Variants in SNTG1 observed in about 807,000 individuals in gnomAD.
SNTG1 encodes syntrophin gamma 1.
In SNTG1, 39 loss-of-function variants were observed where a neutral mutation model predicts 74.7. The ratio of observed to expected loss-of-function variants is 0.52; its 90% CI spans 0.40 to 0.68. The LOEUF (loss-of-function observed/expected upper bound fraction) is 0.68. Among genes scored for constraint, SNTG1 ranks in the 30% least tolerant of loss-of-function variants. SNTG1 has a pLI of 0.00. For missense variants in SNTG1, 685 were observed against 609.5 expected (o/e 1.12, Z -1.30); for synonymous variants, 254 against 217.1 (o/e 1.17, Z -1.49).
intron 2 of SNTG1, among the ~76,000 whole-genome samples, chr8:50,342,587 C>G (rs1254844999): frequency 1.3e-5 from 2 of 152,122 alleles, no homozygotes; most frequent in Admixed American, 1.3e-4. Flanking sequence ...ATTGTGTTAA[C>G]CTGCCAATGA....
intron 2 of SNTG1, among the ~76,000 whole-genome samples, chr8:50,183,991 G>A (rs2131732614): frequency 6.6e-6 from 1 of 152,168 alleles, no homozygotes; most frequent in African/African-American, 2.4e-5. Flanking sequence ...AAATGTATAT[G>A]CTCCCATCTT....
chr8:50,543,561 G>T (rs907929599), intron 11 of SNTG1, among the ~76,000 whole-genome samples: 5 of 151,908 alleles, frequency 3.3e-5, no homozygotes, highest in Non-Finnish European at 7.4e-5. Context: ...GATATCCTAT[G>T]GTATAGATGT....
At chr8:49,969,081 G>C (rs527910117) in intron 1 of SNTG1, among the ~76,000 whole-genome samples, 1 of 152,290 alleles carries the variant, frequency 6.6e-6, no homozygotes, top group African/African-American at 2.4e-5. Context: ...CAGAATGATA[G>C]ACAGATTAGG....
At chr8:50,720,953 T>C (rs1185066943) in intron 17 of SNTG1, among the ~76,000 whole-genome samples, 2 of 152,232 alleles carry the variant, frequency 1.3e-5, no homozygotes, top group East Asian at 1.9e-4. Context: ...TATGTGAAAG[T>C]TGCTTCAGTT....
intron 10 of SNTG1, among the ~76,000 whole-genome samples, chr8:50,534,354 C>T (rs2094292390): frequency 6.6e-6 from 1 of 152,080 alleles, no homozygotes; most frequent in African/African-American, 2.4e-5. Flanking sequence ...CTGGGTGGGT[C>T]CTGGGCCACT....
chr8:50,082,407 T>G (rs1822493412), intron 1 of SNTG1, among the ~76,000 whole-genome samples: 1 of 152,206 alleles, frequency 6.6e-6, no homozygotes, highest in African/African-American at 2.4e-5. Context: ...TATGTTTTTG[T>G]TGTCTTGTTT....
At chr8:50,014,068 A>G (rs1216267171) in intron 1 of SNTG1, among the ~76,000 whole-genome samples, 1 of 152,176 alleles carries the variant, frequency 6.6e-6, no homozygotes, top group Non-Finnish European at 1.5e-5. Flanking sequence ...CTACAGTATG[A>G]CAGCAGGCCC....
chr8:50,138,074 A>G (rs2081533674), intron 1 of SNTG1, among the ~76,000 whole-genome samples: 1 of 152,090 alleles, frequency 6.6e-6, no homozygotes, highest in Non-Finnish European at 1.5e-5. Context: ...AAACCTATCT[A>G]GTGGAGGAAT....
chr8:50,304,740 CTCTG>C (rs1381547427), intron 2 of SNTG1, among the ~76,000 whole-genome samples: 1 of 152,136 alleles, frequency 6.6e-6, no homozygotes, highest in Non-Finnish European at 1.5e-5. Context: ...TCATACTATA[CTCTG>C]TCTAATATAG....
chr8:50,554,477 C>CTTTT (rs11435822), intron 12 of SNTG1, among the ~76,000 whole-genome samples: 2 of 141,196 alleles, frequency 1.4e-5, no homozygotes, highest in Non-Finnish European at 3.1e-5. Flanking sequence ...ACAGATTTTC[C>CTTTT]TTTTTTTTTT....
At chr8:50,247,578 T>G (rs759189318) in intron 2 of SNTG1, among the ~76,000 whole-genome samples, 28 of 152,196 alleles carry the variant, frequency 1.8e-4, no homozygotes, top group Non-Finnish European at 3.1e-4. Context: ...TGATCATAGT[T>G]TAATGTAACC....
chr8:50,176,552 G>T (rs2083006223), intron 2 of SNTG1, among the ~76,000 whole-genome samples: 1 of 152,090 alleles, frequency 6.6e-6, no homozygotes, highest in Non-Finnish European at 1.5e-5. Context: ...TCCTCAGCTA[G>T]GGCACTAATA....
At chr8:50,082,551 CTTAAGAGTGGGT>C (rs1563566546) in intron 1 of SNTG1, among the ~76,000 whole-genome samples, 2 of 152,138 alleles carry the variant, frequency 1.3e-5, no homozygotes, top group Non-Finnish European at 2.9e-5. Flanking sequence ...AACTGGTCAT[CTTAAGAGTGGGT>C]TCATCTTAAG....
intron 2 of SNTG1, among the ~76,000 whole-genome samples, chr8:50,301,855 GT>G (rs2089663512): frequency 9.4e-6 from 1 of 106,326 alleles, no homozygotes; most frequent in Admixed American, 1.1e-4. Context: ...TTCTGTTTTT[GT>G]TTTTTGTTTT....
chr8:50,349,051 T>A (rs1311897858), intron 2 of SNTG1, among the ~76,000 whole-genome samples: 2 of 152,236 alleles, frequency 1.3e-5, no homozygotes, highest in East Asian at 3.8e-4. Context: ...ATATGAAGAA[T>A]CCCCAACATT....
intron 17 of SNTG1, among the ~76,000 whole-genome samples, chr8:50,747,131 GCTCCAGATTAACACCCC>G (rs1433107803): frequency 6.6e-6 from 1 of 151,290 alleles, no homozygotes; most frequent in African/African-American, 2.4e-5. Context: ...AAAACTATTA[GCTCCAGATTAACACCCC>G]CTCAGGTATT....
intron 4 of SNTG1, among the ~76,000 whole-genome samples, chr8:50,423,624 C>T (rs963349325): frequency 6.6e-5 from 10 of 152,140 alleles, no homozygotes; most frequent in Admixed American, 6.6e-4. Flanking sequence ...GATATATTCA[C>T]AAAGGCAGTA....
At chr8:50,540,842 C>G (rs1563546200) in intron 11 of SNTG1, among the ~76,000 whole-genome samples, 2 of 151,844 alleles carry the variant, frequency 1.3e-5, no homozygotes, top group Non-Finnish European at 2.9e-5. Flanking sequence ...ATTCTTCTAT[C>G]CTATTCTTTA....
At chr8:50,213,823 A>T (rs1292438819) in intron 2 of SNTG1, among the ~76,000 whole-genome samples, 1 of 151,302 alleles carries the variant, frequency 6.6e-6, no homozygotes, top group African/African-American at 2.4e-5. Flanking sequence ...TAGATTCTGG[A>T]TATTAGCCCT....
Sources: gnomAD v4.1 joint callset for allele counts (sites outside exome capture counted in the v4.1 genomes callset) on GRCh38, gnomAD v4.1.1 for gene constraint, MANE v1.5 for transcripts, NCBI Gene and HGNC (gene_info 2026-07-23, HGNC 2026-07-21) for gene names.